The following SKP2 variants were observed in gnomAD, a reference collection of about 807,000 sequenced individuals.
The protein encoded by SKP2 is S-phase kinase associated protein 2.
SKP2 carries 16 observed loss-of-function variants against 51.8 expected under a neutral mutation model. The ratio of observed to expected loss-of-function variants is 0.31; its 90% CI spans 0.21 to 0.47. SKP2 has a LOEUF of 0.47. Among genes scored for constraint, SKP2 ranks in the 20% least tolerant of loss-of-function variants. The pLI, the probability that SKP2 is intolerant of heterozygous loss-of-function variation, is 1.00. For missense variants in SKP2, 377 were observed against 505.3 expected (o/e 0.75, Z 2.43); for synonymous variants, 176 against 198.6 (o/e 0.89, Z 0.96).
intron 2 of SKP2, among the ~76,000 whole-genome samples, chr5:36,156,397 G>C (rs1334560169): frequency 6.6e-6 from 1 of 152,122 alleles, no homozygotes; most frequent in African/African-American, 2.4e-5. Flanking sequence ...ACTGGTTCTG[G>C]GCTGCAAGTT....
intron 6 of SKP2, among the ~76,000 whole-genome samples, chr5:36,190,367 A>C (rs1292878186): frequency 2.0e-5 from 3 of 152,142 alleles, no homozygotes; most frequent in Non-Finnish European, 4.4e-5. Context: ...GAACCACCTC[A>C]CCAGGCTTGT....
chr5:36,153,107 C>A, intron 2 of SKP2, 65 bp downstream of exon 2: 1 of 1,504,584 alleles, frequency 6.6e-7, no homozygotes, highest in Non-Finnish European at 9.1e-7. Context: ...TGTTGGGAAA[C>A]CTTTGTTCAG....
At chr5:36,156,257 G>A (rs560033135) in intron 2 of SKP2, among the ~76,000 whole-genome samples, 28 of 152,310 alleles carry the variant, frequency 1.8e-4, no homozygotes, top group African/African-American at 6.0e-4. Flanking sequence ...GCCTTTGGAA[G>A]CCTGGGCCTC....
chr5:36,169,320 CTGTAA>C (rs1405357475), intron 5 of SKP2, among the ~76,000 whole-genome samples: 1 of 152,084 alleles, frequency 6.6e-6, no homozygotes, highest in Admixed American at 6.6e-5. Flanking sequence ...TGGCAGGCAC[CTGTAA>C]TCCCAGCTAC....
intron 4 of SKP2, among the ~76,000 whole-genome samples, chr5:36,167,102 A>G (rs1745311522): frequency 6.6e-6 from 1 of 151,856 alleles, no homozygotes; most frequent in Non-Finnish European, 1.5e-5. Context: ...GAAATTTGGA[A>G]CCTGAAAAAA....
chr5:36,177,577 C>A (rs1745674827), intron 9 of SKP2, among the ~76,000 whole-genome samples: 1 of 151,454 alleles, frequency 6.6e-6, no homozygotes, highest in South Asian at 2.1e-4. Context: ...AGAAGATAAC[C>A]TTTTCCTCCA....
downstream of SKP2, among the ~76,000 whole-genome samples, chr5:36,185,532 T>G (rs963586050): frequency 9.2e-5 from 14 of 152,212 alleles, no homozygotes; most frequent in Non-Finnish European, 1.6e-4. Flanking sequence ...TTTCTTATTT[T>G]TGTCAGGTTT....
chr5:36,182,067 CAG>C lies in SKP2; in HGVS notation c.*37_*38del, dbSNP rs1444038732. 6.2e-7 allele frequency: 1 copy of C among 1,605,018 alleles called. No homozygotes were observed. The highest frequency in any genetic ancestry group is 8.5e-7 in the Non-Finnish European group (1 of 1,174,304). ...GCAGGATGGTGTCTCTTCTTTAGAACAGGGAAAATAGGCAGGAAGCCCAATTG... is the reference window on the plus strand; with the variant it reads ...GCAGGATGGTGTCTCTTCTTTAGAACGGAAAATAGGCAGGAAGCCCAATTG... On this transcript the variant is annotated 3_prime_UTR_variant, in exon 10 of 10. Transcript: ENST00000274255.
At chr5:36,160,833 G>A (rs1331902476) in intron 2 of SKP2, among the ~76,000 whole-genome samples, 2 of 152,200 alleles carry the variant, frequency 1.3e-5, no homozygotes, top group Non-Finnish European at 2.9e-5. Context: ...GCCACGTCGA[G>A]GAGCCTCCTC....
chr5:36,186,143 G>A (rs1193874521), downstream of SKP2, among the ~76,000 whole-genome samples: 6 of 152,302 alleles, frequency 3.9e-5, no homozygotes, highest in African/African-American at 1.4e-4. Flanking sequence ...TCAGCTTAAG[G>A]AGATTTTGGC....
chr5:36,180,134 C>T (rs527371801), intron 9 of SKP2: 1 of 502,044 alleles, frequency 2.0e-6, no homozygotes, highest in East Asian at 5.6e-5. Flanking sequence ...CCTTTTCTTA[C>T]TCCACCTACA....
At position 36,173,050 on chromosome 5, in the gene SKP2, G is replaced by GTT. The variant is rs879584914; in HGVS notation, c.901+1327_901+1328dup. ...CTAGGCTTTTTCCTGTACAAAAACT[G>GTT]TTTTTTTTTTTAATGGGACATGGTA... On this transcript the variant is annotated intron_variant, in intron 7 of 9. Coordinates refer to ENST00000274255, the MANE Select transcript of SKP2 (RefSeq NM_005983.4). Among the ~76,000 whole-genome samples, 372 of 141,618 alleles carry GTT rather than the reference G, an allele frequency of 2.6e-3. 1 individual carries two copies. Among genetic ancestry groups the GTT allele is most frequent in the African/African-American group, 9.2e-3 (358 of 38,822 alleles). The allele number at this position is 141,618 out of a possible 152,430, so 92.9% of individuals were successfully genotyped here.
Position 36,182,504 on chromosome 5 carries a change from T to C in SKP2, c.*473T>C, listed in dbSNP as rs1021576690. On this transcript the variant is annotated 3_prime_UTR_variant, in exon 10 of 10. Coordinates refer to ENST00000274255, the MANE Select transcript of SKP2 (RefSeq NM_005983.4). ...GCTGAACAAAAAGAGAATCATAGGA[T>C]AGTAGCGTCTGAGGCCATCTTTTCT... 2.2e-5 allele frequency: 22 copies of C among 986,350 alleles called. No homozygotes were observed. Among genetic ancestry groups the C allele is most frequent in the Non-Finnish European group, 2.6e-5 (22 of 830,574 alleles). 61.1% of individuals were successfully genotyped at this position (986,350 alleles called of 1,614,324 possible).
chr5:36,152,171 C>A lies in SKP2; in HGVS notation c.-92C>A. On this transcript the variant is annotated 5_prime_UTR_variant, in exon 1 of 10. Coordinates refer to ENST00000274255, the MANE Select transcript of SKP2 (RefSeq NM_005983.4). ...GGCTGCTGGGGGCCCGAGCAGCACG[C>A]TCGGAGCCGCCGCGCGCCAAAGCGG... The A allele has an allele frequency of 7.1e-7, 1 of 1,406,398 alleles. No homozygotes were observed. Among genetic ancestry groups the A allele is most frequent in the Non-Finnish European group, 1.0e-6 (1 of 993,022 alleles). The allele number at this position is 1,406,398 out of a possible 1,614,324, so 87.1% of individuals were successfully genotyped here. A position where few individuals can be genotyped will look rare whatever the true frequency, so the allele number is the denominator to read the frequency against.
intron 4 of SKP2, 32 bp from the exon 5 acceptor site, chr5:36,168,281 C>T (rs746450391): frequency 6.8e-6 from 11 of 1,608,012 alleles, no homozygotes; most frequent in Non-Finnish European, 9.3e-6. Flanking sequence ...TGAGAGCCAC[C>T]TATGGAGCTC....
intron 6 of SKP2, among the ~76,000 whole-genome samples, chr5:36,171,003 T>C (rs1261716137): frequency 6.6e-6 from 1 of 152,206 alleles, no homozygotes; most frequent in African/African-American, 2.4e-5. Flanking sequence ...CATTTGAATC[T>C]GTGTCTTGTT....
At chr5:36,159,009 G>A (rs1745041102) in intron 2 of SKP2, among the ~76,000 whole-genome samples, 2 of 152,206 alleles carry the variant, frequency 1.3e-5, no homozygotes, top group African/African-American at 4.8e-5. Context: ...TTCACCATTT[G>A]AATGAAGAGG....
At chr5:36,191,392 CTTTTTT>C (rs201765544) in intron 6 of SKP2, among the ~76,000 whole-genome samples, 12 of 122,164 alleles carry the variant, frequency 9.8e-5, no homozygotes, top group South Asian at 5.0e-4. Context: ...TCATCAAGTT[CTTTTTT>C]TTTTTTTTTT....
chr5:36,181,128 G>A (rs892541856), intron 9 of SKP2, among the ~76,000 whole-genome samples: 1 of 152,142 alleles, frequency 6.6e-6, no homozygotes, highest in Non-Finnish European at 1.5e-5. Context: ...TACCTAAAGG[G>A]ACTGGCTTAT....
Sources: allele counts gnomAD v4.1 joint callset (sites outside exome capture counted in the v4.1 genomes callset), GRCh38; gene constraint gnomAD v4.1.1; transcripts MANE v1.5; gene names NCBI Gene and HGNC (gene_info 2026-07-23, HGNC 2026-07-21).